Variants in PCBP3 observed in about 807,000 individuals in gnomAD.
PCBP3 encodes the protein poly(rC)-binding protein 3.
PCBP3 carries 25 observed loss-of-function variants against 52.7 expected under a neutral mutation model. The observed-to-expected ratio is 0.47, with a 90% CI of 0.35 to 0.66. The LOEUF (loss-of-function observed/expected upper bound fraction) is 0.66, where lower values mean the gene tolerates loss of function less well. PCBP3 is among the 30% of genes least tolerant of loss of function. PCBP3 has a pLI of 0.01. For synonymous variants in PCBP3, 162 were observed against 183.0 expected (o/e 0.89, Z 0.93); for missense variants, 391 against 490.3 (o/e 0.80, Z 1.91).
At chr21:45,898,607 A>G (rs112246105) in intron 6 of PCBP3, among the ~76,000 whole-genome samples, 4,674 of 49,178 alleles carry the variant, frequency 0.095, 80 homozygotes, top group East Asian at 0.17. Context: ...GGGCCCCTCT[A>G]CACACCGTCC....
intron 4 of PCBP3, among the ~76,000 whole-genome samples, chr21:45,787,471 C>G (rs2091244583): frequency 6.6e-6 from 1 of 151,930 alleles, no homozygotes; most frequent in African/African-American, 2.4e-5. Flanking sequence ...TGGTCTCAAA[C>G]TCCAGACCAG....
At chr21:45,863,885 C>G (rs547032739) in intron 5 of PCBP3, among the ~76,000 whole-genome samples, 1 of 152,110 alleles carries the variant, frequency 6.6e-6, no homozygotes, top group East Asian at 1.9e-4. Context: ...GGGGAAATGC[C>G]TAGAGGAACC....
intron 6 of PCBP3, among the ~76,000 whole-genome samples, chr21:45,898,982 C>A (rs7276849): frequency 0.026 from 2,930 of 110,768 alleles, 125 homozygotes; most frequent in African/African-American, 0.1. Flanking sequence ...ACAGCCTCAC[C>A]GACGTCACCA....
At position 45,757,492 on chromosome 21, in the gene PCBP3, G is replaced by A. The variant is rs545295424; in HGVS notation, c.-126+2040G>A. Among the ~76,000 whole-genome samples, 49 of 152,204 alleles carry A rather than the reference G, an allele frequency of 3.2e-4. No homozygotes were observed. In the South Asian group the frequency reaches 9.1e-3, roughly 28 times the overall value. ...TAGTAGGTTGTCTTTTCATTTTCTT[G>A]GTAGTACCTTTTGACAAACAAAAGT... On this transcript the variant is annotated intron_variant, in intron 4 of 17. Coordinates refer to ENST00000681687, the MANE Select transcript of PCBP3 (RefSeq NM_001384156.1).
intron 1 of PCBP3, among the ~76,000 whole-genome samples, chr21:45,648,682 A>G (rs1292119514): frequency 6.6e-6 from 1 of 152,230 alleles, no homozygotes; most frequent in Non-Finnish European, 1.5e-5. Flanking sequence ...AGATGTTTTA[A>G]TTATTGCCAA....
chr21:45,672,200 C>CA lies in PCBP3; in HGVS notation c.-200+3249dup, dbSNP rs554129195. ...CAGCCCCTTATTGTGTGATGCCCTG[C>CA]ACCACCTCAGGACTCTGCAGAGTCC... is the stretch of plus-strand genomic sequence containing the variant. On this transcript the variant is annotated intron_variant, in intron 2 of 17. Coordinates refer to ENST00000681687, the MANE Select transcript of PCBP3 (RefSeq NM_001384156.1). Among the ~76,000 whole-genome samples the CA allele has an allele frequency of 1.5e-3, 223 of 152,228 alleles. 2 individuals carry two copies. Among genetic ancestry groups the CA allele is most frequent in the African/African-American group, 5.1e-3 (213 of 41,526 alleles).
At chr21:45,701,012 T>C (rs2083092718) in intron 2 of PCBP3, among the ~76,000 whole-genome samples, 2 of 152,202 alleles carry the variant, frequency 1.3e-5, no homozygotes, top group Middle Eastern at 3.2e-3. Context: ...ATAAATGTTG[T>C]TGGATAACAG....
rs2076126340 is a variant in PCBP3 at position 45,931,137 on chromosome 21, G to A, written c.856+292G>A. On this transcript the variant is annotated intron_variant, in intron 15 of 17. Coordinates refer to ENST00000681687, the MANE Select transcript of PCBP3 (RefSeq NM_001384156.1). The stretch of plus-strand genomic sequence containing the variant: ...GGAAATGGGTTTTGTAGGACTACAA[G>A]CAAACCCTTAAGGAGGAAGATCAGT... Among the ~76,000 whole-genome samples, 3 of 152,360 alleles carry A rather than the reference G, an allele frequency of 2.0e-5. No individual in the cohort carries two copies. The South Asian group carries it at 6.2e-4, about 32-fold the overall frequency.
rs75302245 is a variant in PCBP3 at position 45,839,479 on chromosome 21, A to C, written c.-125-10482A>C. ...AACCCCATTTTATATTATGTTCTTC[A>C]GGATGGGCTCATCAGAAAAATATTT... On this transcript the variant is annotated intron_variant, in intron 4 of 17. Coordinates refer to ENST00000681687, the MANE Select transcript of PCBP3 (RefSeq NM_001384156.1). 8.9e-4 allele frequency among the ~76,000 whole-genome samples: 136 copies of C among 152,340 alleles called. 2 individuals are homozygous for C. The East Asian group carries it at 0.023, about 26-fold the overall frequency.
chr21:45,707,266 G>C (rs559671666), intron 2 of PCBP3, among the ~76,000 whole-genome samples: 3 of 152,120 alleles, frequency 2.0e-5, no homozygotes, highest in South Asian at 2.1e-4. Context: ...CTGTAATCCC[G>C]GCACTTTGGG....
intron 1 of PCBP3, 38 bp downstream of exon 1, chr21:45,643,906 C>T (rs1236124316): frequency 4.0e-5 from 6 of 149,082 alleles, no homozygotes; most frequent in African/African-American, 1.5e-4. Context: ...GGGTCGGGCG[C>T]CCTTGCGGGT....
intron 4 of PCBP3, among the ~76,000 whole-genome samples, chr21:45,815,910 G>A (rs2092924843): frequency 8.0e-6 from 1 of 124,876 alleles, no homozygotes; most frequent in African/African-American, 3.3e-5. Flanking sequence ...ATGGGTGAGT[G>A]GTGAGTGATG....
chr21:45,796,910 A>G (rs2091946515), intron 4 of PCBP3, among the ~76,000 whole-genome samples: 1 of 152,254 alleles, frequency 6.6e-6, no homozygotes, highest in Non-Finnish European at 1.5e-5. Flanking sequence ...ATAGCTCTTG[A>G]AGGCCCTCTT....
At chr21:45,823,771 C>A (rs543065386) in intron 4 of PCBP3, among the ~76,000 whole-genome samples, 2 of 151,702 alleles carry the variant, frequency 1.3e-5, no homozygotes, top group East Asian at 3.9e-4. Flanking sequence ...AGATGGAGTC[C>A]CTTTCTGTCG....
chr21:45,760,290 C>G (rs938300204), intron 4 of PCBP3: 1 of 152,184 alleles, frequency 6.6e-6, no homozygotes, highest in African/African-American at 2.4e-5. Flanking sequence ...CACTCTCCTG[C>G]CTCAGCCTCC....
chr21:45,794,649 G>T (rs571146032), intron 4 of PCBP3, among the ~76,000 whole-genome samples: 266 of 152,340 alleles, frequency 1.7e-3, no homozygotes, highest in Non-Finnish European at 2.7e-3. Context: ...TGACCCAGAG[G>T]CCGGGTGCAA....
intron 4 of PCBP3, among the ~76,000 whole-genome samples, chr21:45,822,867 T>G (rs1377077461): frequency 6.6e-6 from 1 of 152,180 alleles, no homozygotes; most frequent in African/African-American, 2.4e-5. Flanking sequence ...GCTTTTCTCA[T>G]GGGTACAGGA....
chr21:45,895,676 C>T (rs1312536824), intron 5 of PCBP3, among the ~76,000 whole-genome samples: 29 of 152,228 alleles, frequency 1.9e-4, no homozygotes, highest in Admixed American at 1.9e-3. Context: ...AGGACACCAG[C>T]CGTTTGGCAG....
chr21:45,928,924 G>A lies in PCBP3; in HGVS notation c.718-993G>A, dbSNP rs1334276743. Among the ~76,000 whole-genome samples, 1 of 152,114 alleles carries A rather than the reference G, an allele frequency of 6.6e-6. No individual in the cohort carries two copies. Among genetic ancestry groups the A allele is most frequent in the Non-Finnish European group, 1.5e-5 (1 of 68,002 alleles). On this transcript the variant is annotated intron_variant, in intron 13 of 17. Transcript: ENST00000681687. This position sits in a 1 kb window ranked among gnomAD's most constrained non-coding sequence, Gnocchi z 4.1. ...GGAGCTTTGCCCAGGGTCCTCCTGAGCCCCAGGACACCCTCTGCAGCACCC... is the reference window on the plus strand; with the variant it reads ...GGAGCTTTGCCCAGGGTCCTCCTGAACCCCAGGACACCCTCTGCAGCACCC...
Sources: allele counts gnomAD v4.1 joint callset (sites outside exome capture counted in the v4.1 genomes callset), GRCh38; gene constraint gnomAD v4.1.1; non-coding constraint Gnocchi (gnomAD v3.1); transcripts MANE v1.5; gene names NCBI Gene and HGNC (gene_info 2026-07-23, HGNC 2026-07-21).